ARHGAP19: variants seen among roughly 807,000 people sequenced by gnomAD.
ARHGAP19 encodes the protein rho GTPase-activating protein 19.
Under a neutral mutation model 60.9 loss-of-function variants are expected in ARHGAP19, and 48 were observed. That is an observed-to-expected ratio of 0.79 (90% CI 0.62 to 1.00). ARHGAP19 has a LOEUF of 1.00. Among genes scored for constraint, ARHGAP19 ranks in the 50% least tolerant of loss-of-function variants. The pLI is 0.00. For missense variants in ARHGAP19, 562 were observed against 597.2 expected, an observed-to-expected ratio of 0.94 and a Z score of 0.61; for synonymous variants, 209 against 215.5, an observed-to-expected ratio of 0.97 and a Z score of 0.27.
intron 1 of ARHGAP19, among the ~76,000 whole-genome samples, chr10:97,284,489 G>A (rs1196781853): frequency 6.6e-6 from 1 of 151,974 alleles, no homozygotes; most frequent in Admixed American, 6.6e-5. Flanking sequence ...TTTCATAGTG[G>A]GGAAGAGGGG....
chr10:97,246,244 T>G, intron 7 of ARHGAP19, 28 bp downstream of exon 7: 1 of 1,584,530 alleles, frequency 6.3e-7, no homozygotes, highest in Non-Finnish European at 8.7e-7. Flanking sequence ...TCTCCTTGTT[T>G]GGGTTAAGAG....
chr10:97,274,509 G>A (rs1244800190), intron 1 of ARHGAP19, among the ~76,000 whole-genome samples: 2 of 151,748 alleles, frequency 1.3e-5, no homozygotes, highest in Non-Finnish European at 2.9e-5. Flanking sequence ...TGTTCTTGTG[G>A]ATAAATCACT....
At chr10:97,248,487 A>G (rs1040466893) in intron 6 of ARHGAP19, among the ~76,000 whole-genome samples, 3 of 152,158 alleles carry the variant, frequency 2.0e-5, no homozygotes, top group Non-Finnish European at 2.9e-5. Context: ...AGAAGCCAAG[A>G]AAAAGTTGCG....
intron 1 of ARHGAP19, among the ~76,000 whole-genome samples, chr10:97,281,607 T>C (rs1304412610): frequency 6.6e-6 from 1 of 152,140 alleles, no homozygotes; most frequent in Non-Finnish European, 1.5e-5. Flanking sequence ...AACTTTACGG[T>C]ATTGTAAGGT....
rs138934823 is a variant in ARHGAP19, at chr10:97,229,407, A to G, written c.1396-182T>C. 3.7e-3 allele frequency among the ~76,000 whole-genome samples: 569 copies of G among 152,228 alleles called. 2 individuals are homozygous for G. Among genetic ancestry groups the G allele is most frequent in the Middle Eastern group, 6.8e-3 (2 of 294 alleles). On this transcript the variant is annotated intron_variant, in intron 10 of 11. Coordinates refer to ENST00000358531, the MANE Select transcript of ARHGAP19 (RefSeq NM_032900.6). ...GCTTAATGAAGTAGGCATGCCTAGG[A>G]TATCTTGAACCACCACCCCACAGGT... is the stretch of plus-strand genomic sequence containing the variant.
chr10:97,289,146 G>A (rs1278293222), intron 1 of ARHGAP19, among the ~76,000 whole-genome samples: 53 of 123,680 alleles, frequency 4.3e-4, no homozygotes, highest in Non-Finnish European at 7.1e-4. Context: ...ACGTAGTCTC[G>A]CTCTGTCGCC....
intron 1 of ARHGAP19, among the ~76,000 whole-genome samples, chr10:97,273,484 C>CTTTTT (rs11442502): frequency 2.1e-4 from 19 of 92,516 alleles, no homozygotes; most frequent in South Asian, 4.1e-4. Context: ...TTTCTGCTCT[C>CTTTTT]TTTTTTTTTT....
At chr10:97,229,686 C>A in intron 10 of ARHGAP19, 78 bp downstream of exon 10, 1 of 1,059,714 alleles carries the variant, frequency 9.4e-7, no homozygotes, top group South Asian at 1.5e-5. Flanking sequence ...CACAGTAAAA[C>A]AGATGACAGT....
At position 97,244,160 on chromosome 10, in the gene ARHGAP19, C is replaced by T; in HGVS notation, c.994-1G>A. ...ATGAAGCTATGAGGTCAAGGTCATC[C>T]TAAGGAAAATTTAAAAGAAGAGTAA... On this transcript the variant is annotated splice_acceptor_variant, in intron 7 of 11. Coordinates refer to ENST00000358531, the MANE Select transcript of ARHGAP19 (RefSeq NM_032900.6). LOFTEE classifies it high-confidence loss of function. The T allele has an allele frequency of 3.8e-6, 6 of 1,573,056 alleles. No homozygotes were observed. The highest frequency in any genetic ancestry group is 5.2e-6 in the Non-Finnish European group (6 of 1,161,752).
intron 1 of ARHGAP19, among the ~76,000 whole-genome samples, chr10:97,271,734 T>C (rs1842961546): frequency 6.6e-6 from 1 of 152,096 alleles, no homozygotes; most frequent in Non-Finnish European, 1.5e-5. Context: ...CAGGCTGCAG[T>C]GTAGTGGCAC....
chr10:97,271,547 G>A (rs925628696), intron 1 of ARHGAP19, among the ~76,000 whole-genome samples: 2 of 151,912 alleles, frequency 1.3e-5, no homozygotes, highest in African/African-American at 4.8e-5. Flanking sequence ...GGGACCTAAT[G>A]ACTAATAAAC....
chr10:97,275,033 G>A (rs2134908753), intron 1 of ARHGAP19: 1 of 152,570 alleles, frequency 6.6e-6, no homozygotes, highest in Admixed American at 6.5e-5. Context: ...CCCAATGCCA[G>A]TGACATCCTT....
chr10:97,266,138 G>T lies in ARHGAP19; in HGVS notation c.57-13C>A, dbSNP rs200065154. 1 of 1,612,050 alleles carries T rather than the reference G, an allele frequency of 6.2e-7. No homozygotes were observed. The highest frequency in any genetic ancestry group is 1.7e-5 in the Admixed American group (1 of 59,864). Reference sequence around the variant, plus strand: ...GCAGATGGCATCACTGAAAAACACAGAAGAAAATCTTTCGGGACATCATTT... The same window carrying T: ...GCAGATGGCATCACTGAAAAACACATAAGAAAATCTTTCGGGACATCATTT... On this transcript the variant is annotated splice_polypyrimidine_tract_variant and intron_variant, in intron 1 of 11. Coordinates refer to ENST00000358531, the MANE Select transcript of ARHGAP19 (RefSeq NM_032900.6).
intron 1 of ARHGAP19, among the ~76,000 whole-genome samples, chr10:97,269,263 T>C (rs959620215): frequency 6.6e-6 from 1 of 152,220 alleles, no homozygotes; most frequent in Non-Finnish European, 1.5e-5. Context: ...TCGTCTCTAT[T>C]TCCTTGAAAA....
In ARHGAP19 at chr10:97,278,328, C is replaced by A. The variant is rs548556588; in HGVS notation, c.57-12203G>T. ...ATTCTGCACGAATCCTTGTGGCAGT[C>A]TTATTTTAAATGGTTGCTGCTTTGG... On this transcript the variant is annotated intron_variant, in intron 1 of 11. Coordinates refer to ENST00000358531, the MANE Select transcript of ARHGAP19 (RefSeq NM_032900.6). Among the ~76,000 whole-genome samples, 240 of 152,278 alleles carry A rather than the reference C, an allele frequency of 1.6e-3. 8 individuals carry two copies. Among genetic ancestry groups the A allele is most frequent in the Middle Eastern group, 3.4e-3 (1 of 294 alleles).
At chr10:97,243,187 T>G (rs1375107105) in intron 8 of ARHGAP19, among the ~76,000 whole-genome samples, 2 of 152,178 alleles carry the variant, frequency 1.3e-5, no homozygotes, top group African/African-American at 4.8e-5. Flanking sequence ...CACCATTATC[T>G]GAGTACTTGT....
chr10:97,271,273 T>G (rs1182711078), intron 1 of ARHGAP19, among the ~76,000 whole-genome samples: 1 of 152,128 alleles, frequency 6.6e-6, no homozygotes, highest in Admixed American at 6.6e-5. Flanking sequence ...CACTGTATGC[T>G]CTTTTGTATT....
chr10:97,265,765 A>C (rs2134890227), intron 2 of ARHGAP19, 95 bp downstream of exon 2: 1 of 1,500,800 alleles, frequency 6.7e-7, no homozygotes, highest in African/African-American at 1.4e-5. Flanking sequence ...AAATGCTTTA[A>C]GTTAATAGCA....
chr10:97,287,557 T>C (rs977807609), intron 1 of ARHGAP19, among the ~76,000 whole-genome samples: 10 of 150,868 alleles, frequency 6.6e-5, no homozygotes, highest in African/African-American at 2.4e-4. Flanking sequence ...ACCTGGGCAA[T>C]ATAGGGAGAC....
Sources: gnomAD v4.1 joint callset for allele counts (sites outside exome capture counted in the v4.1 genomes callset) on GRCh38, gnomAD v4.1.1 for gene constraint, MANE v1.5 for transcripts, NCBI Gene and HGNC (gene_info 2026-07-23, HGNC 2026-07-21) for gene names.